Variants in PPFIA2 observed in about 807,000 individuals in gnomAD.
PPFIA2 encodes the protein PPFI scaffold protein A2, also known as liprin-alpha-2.
Under a neutral mutation model 175.5 loss-of-function variants are expected in PPFIA2, and 46 were observed. The ratio of observed to expected loss-of-function variants is 0.26; its 90% CI spans 0.21 to 0.34. PPFIA2 has a LOEUF of 0.34. Among genes scored for constraint, PPFIA2 ranks in the 10% least tolerant of loss-of-function variants. The pLI, the probability that PPFIA2 is intolerant of heterozygous loss-of-function variation, is 1.00. For missense variants in PPFIA2, 1,179 were observed against 1,506.1 expected (o/e 0.78, Z 3.60); for synonymous variants, 568 against 511.4 (o/e 1.11, Z -1.49).
intron 3 of PPFIA2, among the ~76,000 whole-genome samples, chr12:81,739,830 C>G (rs1317047161): frequency 6.6e-6 from 1 of 151,902 alleles, no homozygotes; most frequent in Non-Finnish European, 1.5e-5. Context: ...TTCCAGGTAA[C>G]ATCAATATTA....
At chr12:81,293,257 C>T (rs1018453611) in intron 24 of PPFIA2, among the ~76,000 whole-genome samples, 2 of 151,402 alleles carry the variant, frequency 1.3e-5, no homozygotes, top group African/African-American at 4.8e-5. Flanking sequence ...ATGGAATAAA[C>T]AAATAATTAA....
chr12:81,746,717 G>A (rs1052007774), intron 3 of PPFIA2, among the ~76,000 whole-genome samples: 3 of 143,552 alleles, frequency 2.1e-5, no homozygotes, highest in Non-Finnish European at 4.7e-5. Context: ...AATCAAAAGA[G>A]GAGGTAAAAG....
chr12:81,465,902 A>T (rs2055527126), intron 4 of PPFIA2, among the ~76,000 whole-genome samples: 1 of 152,180 alleles, frequency 6.6e-6, no homozygotes, highest in Admixed American at 6.5e-5. Flanking sequence ...ATTAATACGT[A>T]ATCATTATAT....
At chr12:81,276,049 G>T (rs995167621) in intron 28 of PPFIA2, among the ~76,000 whole-genome samples, 4 of 152,146 alleles carry the variant, frequency 2.6e-5, no homozygotes, top group Admixed American at 6.5e-5. Context: ...CTCCCAAAGT[G>T]CTGCGATTAC....
chr12:81,405,699 A>G (rs1490525141), intron 8 of PPFIA2, 88 bp downstream of exon 8: 1 of 753,196 alleles, frequency 1.3e-6, no homozygotes, highest in African/African-American at 1.8e-5. Context: ...AATACTAAAA[A>G]AATGTTCATT....
chr12:81,356,840 A>G lies in PPFIA2; in HGVS notation c.1773+1242T>C, dbSNP rs567249285. ...AAACATAATGCTTGTGAAATACAAT[A>G]AAGCAAAGCACAGTAAAACAAGGTA... On this transcript the variant is annotated intron_variant, in intron 16 of 32. Transcript: ENST00000549396. Among the ~76,000 whole-genome samples, 3 of 152,310 alleles carry G rather than the reference A, an allele frequency of 2.0e-5. No individual in the cohort carries two copies. The East Asian group carries it at 5.8e-4, about 29-fold the overall frequency.
At chr12:81,718,803 T>A (rs576554194) in intron 3 of PPFIA2, among the ~76,000 whole-genome samples, 1 of 151,738 alleles carries the variant, frequency 6.6e-6, no homozygotes. Context: ...TGTGAGAGGA[T>A]GAGAGACAGC....
At chr12:81,759,196 C>T (rs1181891651) in intron 1 of PPFIA2, 84 bp downstream of exon 1, 1 of 148,844 alleles carries the variant, frequency 6.7e-6, no homozygotes, top group Admixed American at 6.7e-5. Flanking sequence ...CGCCCCCCCG[C>T]CGCCACAGCA....
At chr12:81,299,929 T>A (rs1302147065) in intron 22 of PPFIA2, among the ~76,000 whole-genome samples, 1 of 152,170 alleles carries the variant, frequency 6.6e-6, no homozygotes, top group Non-Finnish European at 1.5e-5. Context: ...TAAAACTACA[T>A]CTCACTTGGA....
chr12:81,701,830 C>A (rs2076510549), intron 3 of PPFIA2, among the ~76,000 whole-genome samples: 1 of 148,064 alleles, frequency 6.8e-6, no homozygotes. Flanking sequence ...GTCAGTCACA[C>A]AACTGTTCTG....
rs1593350943 is a variant in PPFIA2, at chr12:81,462,271, A to T, written c.304-4405T>A. Among the ~76,000 whole-genome samples, 4 of 134,544 alleles carry T rather than the reference A, an allele frequency of 3.0e-5. No individual in the cohort carries two copies. In the Admixed American group the frequency reaches 3.0e-4, roughly 10 times the overall value. The allele number at this position is 134,544 out of a possible 152,430, so 88.3% of individuals were successfully genotyped here. A position where few individuals can be genotyped will look rare whatever the true frequency, so the allele number is the denominator to read the frequency against. The stretch of plus-strand genomic sequence containing the variant: ...TTTTCTAACATATATATATATATAT[A>T]TATATGTTAGAAAACATATATATAT... On this transcript the variant is annotated intron_variant, in intron 4 of 32. Transcript: ENST00000549396.
At chr12:81,333,679 T>A (rs1342647290) in intron 21 of PPFIA2, among the ~76,000 whole-genome samples, 3 of 152,188 alleles carry the variant, frequency 2.0e-5, no homozygotes, top group Non-Finnish European at 4.4e-5. Context: ...AGTAGGAGAA[T>A]TTAGATCCCA....
At chr12:81,672,581 C>G (rs2071629249) in intron 4 of PPFIA2, among the ~76,000 whole-genome samples, 10 of 151,884 alleles carry the variant, frequency 6.6e-5, no homozygotes, top group Admixed American at 6.6e-4. Flanking sequence ...ATTCATCACA[C>G]TCTAGAAATA....
intron 3 of PPFIA2, among the ~76,000 whole-genome samples, chr12:81,741,314 T>C (rs894298941): frequency 6.6e-6 from 1 of 152,230 alleles, no homozygotes; most frequent in Non-Finnish European, 1.5e-5. Flanking sequence ...TTTCTTGTTT[T>C]CATTAAGATT....
chr12:81,292,899 A>C (rs954818120), intron 24 of PPFIA2: 7 of 152,140 alleles, frequency 4.6e-5, no homozygotes, highest in Admixed American at 3.9e-4. Context: ...TTTTTCCTAC[A>C]TGTCATTTAG....
At chr12:81,736,087 C>A (rs984459003) in intron 3 of PPFIA2, among the ~76,000 whole-genome samples, 1 of 151,910 alleles carries the variant, frequency 6.6e-6, no homozygotes, top group African/African-American at 2.4e-5. Flanking sequence ...AAAATCACCT[C>A]ATCCCTTCCT....
intron 3 of PPFIA2, among the ~76,000 whole-genome samples, chr12:81,727,914 G>A (rs944917800): frequency 1.3e-5 from 2 of 151,340 alleles, no homozygotes; most frequent in Non-Finnish European, 3.0e-5. Flanking sequence ...TCCATCCATG[G>A]TGAAGTTACT....
intron 4 of PPFIA2, among the ~76,000 whole-genome samples, chr12:81,626,903 G>C (rs150344393): frequency 6.6e-6 from 1 of 151,896 alleles, no homozygotes; most frequent in Admixed American, 6.6e-5. Context: ...GAATCATAGA[G>C]AAATACACAA....
chr12:81,405,072 C>T (rs1381596829), intron 8 of PPFIA2, among the ~76,000 whole-genome samples: 1 of 152,114 alleles, frequency 6.6e-6, no homozygotes, highest in Non-Finnish European at 1.5e-5. Context: ...AATAACTTAC[C>T]TTCTTCCTCT....
Sources: allele counts gnomAD v4.1 joint callset (sites outside exome capture counted in the v4.1 genomes callset), GRCh38; gene constraint gnomAD v4.1.1; transcripts MANE v1.5; gene names NCBI Gene and HGNC (gene_info 2026-07-23, HGNC 2026-07-21).